The following TTC28 variants were observed in gnomAD, a reference collection of about 807,000 sequenced individuals.
TTC28 encodes the protein tetratricopeptide repeat domain 28, also known as tetratricopeptide repeat protein 28.
Under a neutral mutation model 198.0 loss-of-function variants are expected in TTC28, and 61 were observed. The observed-to-expected ratio is 0.31, with a 90% CI of 0.25 to 0.38. The LOEUF (loss-of-function observed/expected upper bound fraction) is 0.38, where lower values mean the gene tolerates loss of function less well. Among genes scored for constraint, TTC28 ranks in the 10% least tolerant of loss-of-function variants. TTC28 has a pLI of 1.00. For missense variants in TTC28, 2,678 were observed against 3,164.0 expected (o/e 0.85, Z 3.69); for synonymous variants, 1,171 against 1,297.8 (o/e 0.90, Z 2.10).
intron 2 of TTC28, among the ~76,000 whole-genome samples, chr22:28,562,502 G>A (rs1348245929): frequency 6.6e-6 from 1 of 152,118 alleles, no homozygotes; most frequent in Non-Finnish European, 1.5e-5. Flanking sequence ...GCCACTGCCA[G>A]GGTGAAGAAC....
intron 5 of TTC28, among the ~76,000 whole-genome samples, chr22:28,272,027 G>A (rs1053521161): frequency 9.2e-5 from 14 of 152,136 alleles, no homozygotes; most frequent in Admixed American, 1.3e-4. Context: ...ACTTGTAACT[G>A]AGAGTCCATT....
intron 12 of TTC28, among the ~76,000 whole-genome samples, chr22:28,051,284 T>A (rs1940076257): frequency 6.6e-6 from 1 of 152,174 alleles, no homozygotes; most frequent in South Asian, 2.1e-4. Context: ...ATCTCTGATG[T>A]TTTTTGAACA....
At chr22:28,539,805 G>A (rs189689521) in intron 2 of TTC28, among the ~76,000 whole-genome samples, 174 of 152,110 alleles carry the variant, frequency 1.1e-3, no homozygotes, top group African/African-American at 4.2e-3. Flanking sequence ...GTGTGAGGCC[G>A]TTCTTGTGTT....
At chr22:28,259,865 G>C (rs2147295486) in intron 5 of TTC28, among the ~76,000 whole-genome samples, 1 of 152,254 alleles carries the variant, frequency 6.6e-6, no homozygotes, top group Middle Eastern at 3.4e-3. Flanking sequence ...ATTTCTCTCA[G>C]AGGAAATTGC....
rs1305039451 is a variant in TTC28, at chr22:28,638,527, T to TA, written c.103-8698dup. On this transcript the variant is annotated intron_variant, in intron 1 of 22. Transcript: ENST00000397906. ...CCAAAAAGATTAGTAACAAATCGGTTAAAAAAATGCAACACATGATAAATG... is the reference window on the plus strand; with the variant it reads ...CCAAAAAGATTAGTAACAAATCGGTTAAAAAAAATGCAACACATGATAAATG... 3.3e-5 allele frequency among the ~76,000 whole-genome samples: 5 copies of TA among 152,010 alleles called. No individual in the cohort carries two copies. The South Asian group carries it at 6.2e-4, about 19-fold the overall frequency.
At chr22:28,274,044 G>A (rs937081472) in intron 5 of TTC28, among the ~76,000 whole-genome samples, 6 of 152,018 alleles carry the variant, frequency 3.9e-5, no homozygotes, top group Non-Finnish European at 8.8e-5. Flanking sequence ...AAGAAACCAG[G>A]TATAGAAAAG....
chr22:28,386,326 G>C (rs919023100), intron 2 of TTC28, among the ~76,000 whole-genome samples: 1 of 138,296 alleles, frequency 7.2e-6, no homozygotes, highest in Non-Finnish European at 1.5e-5. Context: ...ACCAGTTTTA[G>C]CAGTTGGCAT....
At chr22:28,170,331 C>CA (rs112945128) in intron 5 of TTC28, among the ~76,000 whole-genome samples, 3,128 of 150,934 alleles carry the variant, frequency 0.021, 32 homozygotes, top group Non-Finnish European at 0.027. Context: ...ATTAAAAATA[C>CA]AAAAAAAATT....
intron 2 of TTC28, among the ~76,000 whole-genome samples, chr22:28,536,519 G>A (rs1201403020): frequency 6.6e-6 from 1 of 151,916 alleles, no homozygotes; most frequent in Non-Finnish European, 1.5e-5. Context: ...GGCTACTCGC[G>A]AGGCTGAGGC....
chr22:28,230,691 T>G (rs1261893797), intron 5 of TTC28, among the ~76,000 whole-genome samples: 1 of 152,136 alleles, frequency 6.6e-6, no homozygotes, highest in African/African-American at 2.4e-5. Flanking sequence ...TAGACGTATA[T>G]CCTATAGTAG....
intron 2 of TTC28, among the ~76,000 whole-genome samples, chr22:28,556,170 C>T (rs2044472253): frequency 6.6e-6 from 1 of 152,050 alleles, no homozygotes; most frequent in African/African-American, 2.4e-5. Context: ...ACCAGCCTGG[C>T]CAACATAGTA....
intron 2 of TTC28, among the ~76,000 whole-genome samples, chr22:28,538,432 A>G (rs1190378149): frequency 6.6e-6 from 1 of 152,056 alleles, no homozygotes; most frequent in East Asian, 1.9e-4. Context: ...GATAGTATAA[A>G]TAAGAAACTG....
At chr22:28,620,080 A>G (rs991625237) in intron 2 of TTC28, among the ~76,000 whole-genome samples, 4 of 152,210 alleles carry the variant, frequency 2.6e-5, no homozygotes, top group African/African-American at 9.7e-5. Context: ...GGCCGGGCAC[A>G]GTGGCTCACG....
At chr22:28,210,258 C>T (rs1601480775) in intron 5 of TTC28, among the ~76,000 whole-genome samples, 5 of 152,176 alleles carry the variant, frequency 3.3e-5, no homozygotes, top group East Asian at 1.9e-4. Context: ...CGCAGCTTCT[C>T]GCCAGCAATG....
chr22:28,298,526 C>T (rs1410622729), intron 3 of TTC28, among the ~76,000 whole-genome samples: 1 of 152,088 alleles, frequency 6.6e-6, no homozygotes, highest in Admixed American at 6.6e-5. Flanking sequence ...TGGCTCACTG[C>T]AGGCTCAACC....
intron 12 of TTC28, among the ~76,000 whole-genome samples, chr22:28,055,130 GC>G (rs1940231848): frequency 6.6e-6 from 1 of 152,162 alleles, no homozygotes; most frequent in African/African-American, 2.4e-5. Context: ...GAGTTAAAAA[GC>G]AGTGAAAAAC....
intron 2 of TTC28, among the ~76,000 whole-genome samples, chr22:28,606,631 T>C (rs1228188747): frequency 6.6e-6 from 1 of 152,200 alleles, no homozygotes; most frequent in Non-Finnish European, 1.5e-5. Context: ...AACTTTGAGT[T>C]ACTTTTGTAA....
rs867566695 is a variant in TTC28 at position 28,355,748 on chromosome 22, A to G, written c.382-49105T>C. ...AGCCAATGTGACAGCTGCCCCCAGC[A>G]TGTTGCATGGCTGAGTATTCAAAAG... On this transcript the variant is annotated intron_variant, in intron 2 of 22. Coordinates refer to ENST00000397906, the MANE Select transcript of TTC28 (RefSeq NM_001145418.2). 3.9e-5 allele frequency among the ~76,000 whole-genome samples: 6 copies of G among 152,332 alleles called. No homozygotes were observed. In the Middle Eastern group the frequency reaches 0.01, roughly 259 times the overall value.
At chr22:28,207,708 C>T (rs1183122941) in intron 5 of TTC28, among the ~76,000 whole-genome samples, 1 of 152,144 alleles carries the variant, frequency 6.6e-6, no homozygotes, top group East Asian at 1.9e-4. Context: ...AGACATGATC[C>T]AGGGACACGT....
Sources: allele counts gnomAD v4.1 joint callset (sites outside exome capture counted in the v4.1 genomes callset), GRCh38; gene constraint gnomAD v4.1.1; transcripts MANE v1.5; gene names NCBI Gene and HGNC (gene_info 2026-07-23, HGNC 2026-07-21).